The following FNBP1 variants were observed in gnomAD, a reference collection of about 807,000 sequenced individuals.
FNBP1 encodes formin-binding protein 1.
FNBP1 carries 26 observed loss-of-function variants against 90.6 expected under a neutral mutation model. The ratio of observed to expected loss-of-function variants is 0.29; its 90% CI spans 0.21 to 0.40. The LOEUF is 0.40. FNBP1 is among the 10% of genes least tolerant of loss of function. FNBP1 has a pLI of 1.00. For synonymous variants in FNBP1, 260 were observed against 265.2 expected (o/e 0.98, Z 0.19); for missense variants, 635 against 768.0 (o/e 0.83, Z 2.05).
the FNBP1 span, among the ~76,000 whole-genome samples, chr9:130,051,294 C>T: frequency 6.6e-6 from 1 of 152,108 alleles, no homozygotes; most frequent in Non-Finnish European, 1.5e-5. Flanking sequence ...GCCTTGGCCT[C>T]CCAAAGTGCT....
intron 1 of FNBP1, among the ~76,000 whole-genome samples, chr9:130,025,208 G>C (rs2058230457): frequency 6.6e-6 from 1 of 151,686 alleles, no homozygotes; most frequent in South Asian, 2.1e-4. Flanking sequence ...TGACATTTTT[G>C]CCTATGGAGT....
At position 129,923,996 on chromosome 9, in the gene FNBP1, G is replaced by A. The variant is rs1346160548; in HGVS notation, c.1018C>T (p.Pro340Ser). ...LMSLLTSPHQPPPPPPASASP... is the reference protein window; with the variant it reads ...LMSLLTSPHQSPPPPPASASP... ...GCAGAGGCAGGAGGGGGAGGGGGAG[G>A]CTGATGGGGGGATGTTAAAAGGGAC... The change falls in exon 10 of 17, where the codon CCT becomes TCT. Residue 340 changes from proline to serine, a missense_variant. Transcript: ENST00000446176. The A allele has an allele frequency of 2.1e-6, 3 of 1,419,972 alleles. No homozygotes were observed. Among genetic ancestry groups the A allele is most frequent in the African/African-American group, 1.5e-5 (1 of 65,960 alleles). The allele number at this position is 1,419,972 out of a possible 1,614,324, so 88.0% of individuals were successfully genotyped here.
chr9:129,975,909 A>AAG (rs1420439995), intron 4 of FNBP1, among the ~76,000 whole-genome samples: 3 of 150,336 alleles, frequency 2.0e-5, no homozygotes, highest in African/African-American at 7.3e-5. Context: ...TCTTAAAAAA[A>AAG]AAAAAAAAAA....
chr9:129,939,413 T>C (rs755265759), intron 6 of FNBP1, among the ~76,000 whole-genome samples: 3 of 151,938 alleles, frequency 2.0e-5, no homozygotes, highest in Non-Finnish European at 4.4e-5. Context: ...ATCTTGCATA[T>C]GTTATCACAT....
At chr9:130,034,533 C>T (rs1185138932) in intron 1 of FNBP1, among the ~76,000 whole-genome samples, 1 of 152,202 alleles carries the variant, frequency 6.6e-6, no homozygotes, top group Non-Finnish European at 1.5e-5. Context: ...CCAAGACATA[C>T]TTCTGTTGGG....
chr9:129,942,888 T>C (rs2044544607), intron 6 of FNBP1, among the ~76,000 whole-genome samples: 1 of 151,408 alleles, frequency 6.6e-6, no homozygotes. Flanking sequence ...TGGGGTGGTC[T>C]CACTATGTTG....
chr9:129,996,341 G>A (rs1471819293), intron 1 of FNBP1, among the ~76,000 whole-genome samples: 1 of 152,114 alleles, frequency 6.6e-6, no homozygotes, highest in Non-Finnish European at 1.5e-5. Context: ...AGCCCAGAAA[G>A]GACTAAGGGG....
chr9:129,915,881 T>TA, intron 11 of FNBP1, 85 bp downstream of exon 11: 1 of 931,438 alleles, frequency 1.1e-6, no homozygotes, highest in Non-Finnish European at 1.7e-6. Context: ...ACTTTGAAGA[T>TA]ACGTTGTGCA....
At chr9:129,984,541 G>A (rs1467374047) in intron 2 of FNBP1, among the ~76,000 whole-genome samples, 1 of 152,158 alleles carries the variant, frequency 6.6e-6, no homozygotes, top group Non-Finnish European at 1.5e-5. Context: ...GGCAGGAGCC[G>A]GGGCTCACCC....
chr9:130,030,280 C>T (rs1050131871), intron 1 of FNBP1, among the ~76,000 whole-genome samples: 4 of 151,856 alleles, frequency 2.6e-5, no homozygotes, highest in African/African-American at 9.7e-5. Context: ...ACTAAAAATA[C>T]AAAAATTAGC....
intron 2 of FNBP1, among the ~76,000 whole-genome samples, chr9:129,980,823 G>A (rs2051105493): frequency 6.6e-6 from 1 of 151,690 alleles, no homozygotes; most frequent in Admixed American, 6.6e-5. Flanking sequence ...AGGCTGAGGC[G>A]GGTGGATCAC....
At chr9:129,987,602 G>A (rs10988561) in intron 2 of FNBP1, among the ~76,000 whole-genome samples, 33,458 of 151,680 alleles carry the variant, frequency 0.22, 4,026 homozygotes, top group Non-Finnish European at 0.28. Context: ...GTGCAGTGGC[G>A]TCATCTTGGC....
intron 1 of FNBP1, among the ~76,000 whole-genome samples, chr9:130,010,372 A>G (rs2056384451): frequency 6.6e-6 from 1 of 152,178 alleles, no homozygotes; most frequent in Admixed American, 6.5e-5. Context: ...GATGTAGCAG[A>G]TATCTACTAA....
Position 129,900,133 on chromosome 9 carries a change from A to G in FNBP1, c.1551-32T>C. The G allele has an allele frequency of 3.8e-6, 6 of 1,568,682 alleles. No individual in the cohort carries two copies. Among genetic ancestry groups the G allele is most frequent in the Non-Finnish European group, 5.2e-6 (6 of 1,157,240 alleles). On this transcript the variant is annotated intron_variant, in intron 14 of 16. Coordinates refer to ENST00000446176, the MANE Select transcript of FNBP1 (RefSeq NM_015033.3). The surrounding 1 kb of genome is among the most constrained non-coding windows in gnomAD (Gnocchi z 4.1). Reference sequence around the variant, plus strand: ...AAGAAAGGAAAACACAAAGCAACTAAAGCGACTGACCCCAGGGAGGACTCA... The same window carrying G: ...AAGAAAGGAAAACACAAAGCAACTAGAGCGACTGACCCCAGGGAGGACTCA...
chr9:129,954,383 T>A (rs909270359), intron 6 of FNBP1, among the ~76,000 whole-genome samples: 2 of 152,138 alleles, frequency 1.3e-5, no homozygotes, highest in African/African-American at 4.8e-5. Flanking sequence ...AACTCATAAG[T>A]AATGCAAAGT....
intron 6 of FNBP1, among the ~76,000 whole-genome samples, chr9:129,944,067 C>G (rs1444854345): frequency 6.7e-6 from 1 of 150,208 alleles, no homozygotes; most frequent in Non-Finnish European, 1.5e-5. Context: ...CATACTCTAC[C>G]TTATTCCCCA....
At chr9:130,009,595 G>T (rs539496275) in intron 1 of FNBP1, among the ~76,000 whole-genome samples, 1 of 152,102 alleles carries the variant, frequency 6.6e-6, no homozygotes, top group Non-Finnish European at 1.5e-5. Flanking sequence ...AAGGTCAAGA[G>T]ATTGAGACTA....
rs746752803 is a variant in FNBP1 at position 129,927,252 on chromosome 9, G to A, written c.732C>T (p.Ile244=). Residue 244 remains isoleucine (I), a synonymous_variant, in exon 8 of 17, where the codon ATC becomes ATT. Coordinates refer to ENST00000446176, the MANE Select transcript of FNBP1 (RefSeq NM_015033.3). ...CTATTCCATCCAGGCACTTCCCAAT[G>A]ATTGGGATCACCTGCCGATCAACCT... ...YAEVDRQVIP[I]IGKCLDGIVK... is the part of the protein sequence containing the mutation. 2.8e-5 allele frequency: 45 copies of A among 1,613,392 alleles called. No individual in the cohort carries two copies. In the South Asian group the frequency reaches 4.8e-4, roughly 17 times the overall value.
chr9:129,979,101 T>G (rs2130903297), intron 3 of FNBP1, among the ~76,000 whole-genome samples: 1 of 152,366 alleles, frequency 6.6e-6, no homozygotes, highest in South Asian at 2.1e-4. Flanking sequence ...ATTCTAAAGT[T>G]TTCCTAATTA....
Sources: allele counts gnomAD v4.1 joint callset (sites outside exome capture counted in the v4.1 genomes callset), GRCh38; gene constraint gnomAD v4.1.1; non-coding constraint Gnocchi (gnomAD v3.1); transcripts MANE v1.5; gene names NCBI Gene and HGNC (gene_info 2026-07-23, HGNC 2026-07-21).